The following MRPS5 variants were observed in gnomAD, a reference collection of about 807,000 sequenced individuals.
MRPS5 encodes the protein small ribosomal subunit protein uS5m.
A neutral mutation model predicts 51.9 loss-of-function variants in MRPS5; 27 were observed. That is an observed-to-expected ratio of 0.52 (90% CI 0.38 to 0.72). The LOEUF (loss-of-function observed/expected upper bound fraction) is 0.72. Ranked by LOEUF, MRPS5 falls within the 30% of genes least tolerant of loss-of-function variation. The pLI is 0.00. For synonymous variants in MRPS5, 196 were observed against 193.2 expected, an observed-to-expected ratio of 1.01 and a Z score of -0.12; for missense variants, 570 against 545.7, an observed-to-expected ratio of 1.04 and a Z score of -0.44.
intron 3 of MRPS5, 54 bp downstream of exon 3, chr2:95,115,012 A>T: frequency 1.4e-6 from 2 of 1,438,972 alleles, no homozygotes; most frequent in Non-Finnish European, 1.8e-6. Context: ...ATTCAGATAT[A>T]AGAAATCCTT....
At chr2:95,094,070 C>T (rs1675546421) in intron 10 of MRPS5, among the ~76,000 whole-genome samples, 1 of 152,160 alleles carries the variant, frequency 6.6e-6, no homozygotes, top group Non-Finnish European at 1.5e-5. Flanking sequence ...AACCATGGCA[C>T]GAGAACTACG....
At chr2:95,117,040 C>A (rs1234563444) in intron 2 of MRPS5, among the ~76,000 whole-genome samples, 1 of 151,926 alleles carries the variant, frequency 6.6e-6, no homozygotes, top group African/African-American at 2.4e-5. Flanking sequence ...ACTCGAGAGG[C>A]TGAGGCAGGA....
intron 3 of MRPS5, among the ~76,000 whole-genome samples, chr2:95,114,445 G>A (rs1374941303): frequency 6.6e-6 from 1 of 151,810 alleles, no homozygotes; most frequent in Admixed American, 6.6e-5. Context: ...TTTTGTTTTT[G>A]TATTTTTAGT....
intron 4 of MRPS5, among the ~76,000 whole-genome samples, chr2:95,109,064 T>C (rs1353645001): frequency 6.6e-6 from 1 of 152,022 alleles, no homozygotes; most frequent in Non-Finnish European, 1.5e-5. Context: ...ATGAGGCCAG[T>C]GGTTTCCTTG....
chr2:95,095,896 C>CA (rs1280313970), intron 10 of MRPS5, among the ~76,000 whole-genome samples: 5 of 151,962 alleles, frequency 3.3e-5, no homozygotes. Context: ...AAAAAACCTT[C>CA]AAAAAAATCA....
At chr2:95,090,348 A>G in intron 11 of MRPS5, 38 bp downstream of exon 11, 1 of 1,609,372 alleles carries the variant, frequency 6.2e-7, no homozygotes, top group Non-Finnish European at 8.5e-7. Flanking sequence ...CTGAAATACA[A>G]ACTAGAACCT....
intron 10 of MRPS5, among the ~76,000 whole-genome samples, chr2:95,095,598 A>G (rs1442339114): frequency 6.6e-6 from 1 of 152,232 alleles, no homozygotes; most frequent in Non-Finnish European, 1.5e-5. Flanking sequence ...CCTGCTCCTG[A>G]ATGACTACTG....
Position 95,090,368 on chromosome 2 carries a change from A to G in MRPS5, c.1068+18T>C. 1.2e-6 allele frequency: 2 copies of G among 1,611,996 alleles called. No individual in the cohort carries two copies. The highest frequency in any genetic ancestry group is 1.7e-6 in the Non-Finnish European group (2 of 1,179,662). ...ATACAAACTAGAACCTCTGTTTCAG[A>G]CCCCGGGAAAGGATTACCTGTCTGG... On this transcript the variant is annotated intron_variant, in intron 11 of 11. Coordinates refer to ENST00000272418, the MANE Select transcript of MRPS5 (RefSeq NM_031902.5).
At chr2:95,090,176 CA>C (rs35901146) in intron 11 of MRPS5, among the ~76,000 whole-genome samples, 7,513 of 43,708 alleles carry the variant, frequency 0.17, 70 homozygotes, top group Non-Finnish European at 0.24. Flanking sequence ...GACTCCGTCT[CA>C]AAAAAAAAAA....
Position 95,101,715 on chromosome 2 carries a change from T to A in MRPS5, c.772A>T (p.Ile258Phe). 1 of 1,596,888 alleles carries A rather than the reference T, an allele frequency of 6.3e-7. No homozygotes were observed. Among genetic ancestry groups the A allele is most frequent in the Non-Finnish European group, 8.5e-7 (1 of 1,175,560 alleles). Residue 258 changes from isoleucine to phenylalanine, a missense_variant, in exon 8 of 12, where the codon ATT becomes TTT. Physicochemically the swap from Ile to Phe is conservative, Grantham distance 21. Coordinates refer to ENST00000272418, the MANE Select transcript of MRPS5 (RefSeq NM_031902.5). ...GNGKGAAGFS[I>F]GKATDRMDAF... ...TCCATCCGATCAGTAGCTTTCCCAA[T>A]AGAAAAACCTTTAAACAAAAAAGCA...
chr2:95,116,025 C>T (rs921694391), intron 2 of MRPS5, among the ~76,000 whole-genome samples: 1 of 151,822 alleles, frequency 6.6e-6, no homozygotes, highest in African/African-American at 2.4e-5. Context: ...CCTGCCTCAG[C>T]CTCCCAAGTA....
chr2:95,089,049 C>G (rs1675382785), intron 11 of MRPS5, among the ~76,000 whole-genome samples: 2 of 152,286 alleles, frequency 1.3e-5, no homozygotes, highest in Admixed American at 6.5e-5. Context: ...GCCTTGGTGA[C>G]AGAGCAAGAC....
chr2:95,114,035 G>A (rs1272469938), intron 3 of MRPS5, among the ~76,000 whole-genome samples: 5 of 139,830 alleles, frequency 3.6e-5, no homozygotes, highest in African/African-American at 1.3e-4. Context: ...CAGGAGAATC[G>A]CTCAAGCCCG....
intron 7 of MRPS5, among the ~76,000 whole-genome samples, chr2:95,102,267 C>T (rs1437917323): frequency 6.6e-6 from 1 of 151,932 alleles, no homozygotes; most frequent in Non-Finnish European, 1.5e-5. Context: ...TTAGATGCTG[C>T]CTTTTAAAAA....
rs569777911 is a variant in MRPS5, at chr2:95,121,753, C to G, written c.39G>C (p.Val13=). Residue 13 remains valine (V), a synonymous_variant, in exon 1 of 12, where the codon GTG becomes GTC. Coordinates refer to ENST00000272418, the MANE Select transcript of MRPS5 (RefSeq NM_031902.5). The part of the protein sequence containing the change: ...TAVRAVGCLP[V]LCSGTAGHLL... ...TCTCACCTGCCGTCCCGCTACACAGCACGGGGAGGCAGCCCACAGCGCGCA... is the reference window on the plus strand; with the variant it reads ...TCTCACCTGCCGTCCCGCTACACAGGACGGGGAGGCAGCCCACAGCGCGCA... 3.4e-3 allele frequency: 5,298 copies of G among 1,552,690 alleles called. 8 individuals carry two copies. Among genetic ancestry groups the G allele is most frequent in the Admixed American group, 5.9e-3 (322 of 54,300 alleles).
intron 4 of MRPS5, 101 bp downstream of exon 4, chr2:95,109,815 T>C (rs906007274): frequency 2.9e-5 from 39 of 1,359,768 alleles, no homozygotes; most frequent in East Asian, 4.8e-5. Flanking sequence ...CGTAGTGCCC[T>C]TCATAAGAAA....
intron 5 of MRPS5, 114 bp from the exon 6 acceptor site, chr2:95,106,571 C>A: frequency 1.5e-5 from 13 of 874,338 alleles, no homozygotes; most frequent in Non-Finnish European, 2.3e-5. Context: ...AATCTCAGAT[C>A]TTTTGGTCCC....
chr2:95,093,015 T>C (rs1243558302), intron 10 of MRPS5: 2 of 152,274 alleles, frequency 1.3e-5, no homozygotes, highest in Non-Finnish European at 2.9e-5. Flanking sequence ...TACTGTGTCT[T>C]TCCAATGGTG....
intron 3 of MRPS5, among the ~76,000 whole-genome samples, chr2:95,113,292 C>T (rs1187642016): frequency 6.6e-6 from 1 of 151,484 alleles, no homozygotes; most frequent in East Asian, 2.0e-4. Flanking sequence ...CTGGCTAACA[C>T]GGTGAAACCC....
Sources: gnomAD v4.1 joint callset for allele counts (sites outside exome capture counted in the v4.1 genomes callset) on GRCh38, gnomAD v4.1.1 for gene constraint, MANE v1.5 for transcripts, NCBI Gene and HGNC (gene_info 2026-07-23, HGNC 2026-07-21) for gene names.